Variants in CLASP1 observed in about 807,000 individuals in gnomAD.
The protein encoded by CLASP1 is cytoplasmic linker associated protein 1, also known as CLIP-associating protein 1.
A neutral mutation model predicts 192.3 loss-of-function variants in CLASP1; 38 were observed. The ratio of observed to expected loss-of-function variants is 0.20; its 90% CI spans 0.15 to 0.26. CLASP1 has a LOEUF of 0.26. CLASP1 is among the 10% of genes least tolerant of loss of function. The pLI is 1.00. For synonymous variants in CLASP1, 691 were observed against 712.8 expected (o/e 0.97, Z 0.49); for missense variants, 1,433 against 1,932.5 (o/e 0.74, Z 4.85).
intron 38 of CLASP1, 73 bp from the exon 40 acceptor site, chr2:121,347,227 G>T: frequency 9.7e-7 from 1 of 1,033,250 alleles, no homozygotes; most frequent in Non-Finnish European, 1.5e-6. Flanking sequence ...TCTCATCAAC[G>T]TTTCCACAAA....
intron 2 of CLASP1, among the ~76,000 whole-genome samples, chr2:121,556,542 C>T (rs978335098): frequency 6.6e-6 from 1 of 152,202 alleles, no homozygotes; most frequent in African/African-American, 2.4e-5. Flanking sequence ...TGCTCTTCCC[C>T]AAGATACCTA....
intron 32 of CLASP1, among the ~76,000 whole-genome samples, chr2:121,384,950 T>C (rs936342058): frequency 6.6e-6 from 1 of 152,098 alleles, no homozygotes; most frequent in Non-Finnish European, 1.5e-5. Flanking sequence ...CCCTACAGAA[T>C]AAAATAACAC....
intron 2 of CLASP1, among the ~76,000 whole-genome samples, chr2:121,565,073 T>A (rs994634732): frequency 2.0e-5 from 3 of 152,202 alleles, no homozygotes; most frequent in African/African-American, 7.2e-5. Context: ...TGTGATGAGA[T>A]GAAAGTTCAC....
At chr2:121,555,242 T>C (rs1047439317) in intron 2 of CLASP1, among the ~76,000 whole-genome samples, 5 of 152,226 alleles carry the variant, frequency 3.3e-5, no homozygotes, top group African/African-American at 4.8e-5. Context: ...GTGTGTTCTC[T>C]CTGCTGTCTG....
intron 19 of CLASP1, among the ~76,000 whole-genome samples, chr2:121,433,752 T>C (rs1240931345): frequency 6.6e-6 from 1 of 152,104 alleles, no homozygotes; most frequent in Non-Finnish European, 1.5e-5. Flanking sequence ...TGAGACTCTG[T>C]CTCAAAAAGA....
chr2:121,420,849 T>A (rs2079372109), intron 22 of CLASP1, among the ~76,000 whole-genome samples: 1 of 152,198 alleles, frequency 6.6e-6, no homozygotes, highest in Non-Finnish European at 1.5e-5. Context: ...AAAAATGCTC[T>A]TTTTCGTCTG....
chr2:121,399,805 T>C (rs2075874367), intron 28 of CLASP1, among the ~76,000 whole-genome samples: 2 of 152,200 alleles, frequency 1.3e-5, no homozygotes, highest in Non-Finnish European at 2.9e-5. Flanking sequence ...CCTAAATATA[T>C]GAAATAGATC....
chr2:121,578,721 C>T (rs1445533134), intron 2 of CLASP1, among the ~76,000 whole-genome samples: 11 of 131,804 alleles, frequency 8.3e-5, no homozygotes, highest in African/African-American at 1.1e-4. Context: ...AGCAAGACTC[C>T]GTCTCAAAAA....
intron 34 of CLASP1, among the ~76,000 whole-genome samples, chr2:121,377,279 TTTGA>T (rs1364362102): frequency 1.3e-5 from 2 of 152,250 alleles, no homozygotes; most frequent in Non-Finnish European, 2.9e-5. Flanking sequence ...ATTACCTTGA[TTTGA>T]TTATTACACA....
rs536619989 is a variant in CLASP1, at chr2:121,393,637, A to T, written c.3123+3503T>A. 5.9e-5 allele frequency among the ~76,000 whole-genome samples: 9 copies of T among 152,200 alleles called. No homozygotes were observed. The South Asian group carries it at 1.9e-3, about 32-fold the overall frequency. On this transcript the variant is annotated intron_variant, in intron 30 of 39. Coordinates refer to ENST00000263710, the Ensembl canonical transcript of CLASP1. ...GTAAGGCAGCTGCATCACTTACAAA[A>T]GCAACTATATTTATAAATGTTCAAC...
chr2:121,583,927 G>C (rs1308761364), intron 2 of CLASP1, among the ~76,000 whole-genome samples: 2 of 151,972 alleles, frequency 1.3e-5, no homozygotes, highest in Non-Finnish European at 2.9e-5. Context: ...AGGGCAGGTG[G>C]AGGAACTAGC....
intron 32 of CLASP1, among the ~76,000 whole-genome samples, chr2:121,384,007 T>TATACACAC (rs1159284078): frequency 1.1e-4 from 15 of 139,720 alleles, no homozygotes; most frequent in Non-Finnish European, 1.8e-4. Flanking sequence ...TATATATATA[T>TATACACAC]ACACACACAC....
intron 30 of CLASP1, among the ~76,000 whole-genome samples, chr2:121,390,607 C>T (rs2074175683): frequency 6.6e-6 from 1 of 152,176 alleles, no homozygotes; most frequent in South Asian, 2.1e-4. Flanking sequence ...GAAAGGAATT[C>T]TCCCTAGCAG....
intron 2 of CLASP1, among the ~76,000 whole-genome samples, chr2:121,581,840 G>A (rs1489133824): frequency 1.3e-5 from 2 of 152,200 alleles, no homozygotes; most frequent in African/African-American, 4.8e-5. Flanking sequence ...AGCCAAGATC[G>A]TGCCACTGCA....
intron 2 of CLASP1, among the ~76,000 whole-genome samples, chr2:121,536,104 G>A (rs1359397609): frequency 6.6e-6 from 1 of 151,862 alleles, no homozygotes; most frequent in Admixed American, 6.5e-5. Context: ...GATTAGGGCT[G>A]GGCACAGTGG....
At chr2:121,339,142 C>CAT (rs1202649700) in exon 40 of CLASP1, 2 of 151,402 alleles carry the variant, frequency 1.3e-5, no homozygotes, top group Non-Finnish European at 2.9e-5. Context: ...CACACACACA[C>CAT]ACACACACAC....
intron 2 of CLASP1, among the ~76,000 whole-genome samples, chr2:121,583,387 G>A (rs557990366): frequency 1.8e-4 from 28 of 152,244 alleles, no homozygotes; most frequent in African/African-American, 3.1e-4. Flanking sequence ...TACTTAACCC[G>A]GAGGAGTCCC....
chr2:121,580,238 T>C (rs1264152613), intron 2 of CLASP1, among the ~76,000 whole-genome samples: 1 of 152,228 alleles, frequency 6.6e-6, no homozygotes, highest in Non-Finnish European at 1.5e-5. Context: ...ACTGTATACC[T>C]AACAAGGGCA....
At chr2:121,351,256 C>G (rs527576375) in intron 37 of CLASP1, among the ~76,000 whole-genome samples, 1 of 152,380 alleles carries the variant, frequency 6.6e-6, no homozygotes, top group African/African-American at 2.4e-5. Context: ...GTCCCAGCCC[C>G]TGCCCAGGCC....
Sources: allele counts gnomAD v4.1 joint callset (sites outside exome capture counted in the v4.1 genomes callset), GRCh38; gene constraint gnomAD v4.1.1; transcripts MANE v1.5; gene names NCBI Gene and HGNC (gene_info 2026-07-23, HGNC 2026-07-21).